POLR3A: variants seen among roughly 807,000 people sequenced by gnomAD.
POLR3A encodes RNA polymerase III subunit A.
Under a neutral mutation model 152.8 loss-of-function variants are expected in POLR3A, and 112 were observed. The observed-to-expected ratio is 0.73, with a 90% CI of 0.63 to 0.86. POLR3A has a LOEUF of 0.86. POLR3A is among the 40% of genes least tolerant of loss of function. The pLI is 0.00. For synonymous variants in POLR3A, 615 were observed against 652.1 expected (o/e 0.94, Z 0.87); for missense variants, 1,385 against 1,743.1 (o/e 0.79, Z 3.66).
intron 11 of POLR3A, chr10:78,013,193 G>A (rs1847483583): frequency 3.8e-6 from 1 of 265,760 alleles, no homozygotes. Flanking sequence ...GACGAAGTAT[G>A]TAATATAGTT....
chr10:78,022,682 G>A (rs1289132285), intron 5 of POLR3A, among the ~76,000 whole-genome samples: 3 of 152,060 alleles, frequency 2.0e-5, no homozygotes, highest in Non-Finnish European at 4.4e-5. Flanking sequence ...TTTTTTATCC[G>A]TGTGACAGAA....
intron 15 of POLR3A, among the ~76,000 whole-genome samples, chr10:78,006,395 C>CAAAAAAAAAAAAA (rs36050560): frequency 4.6e-5 from 1 of 21,946 alleles, no homozygotes; most frequent in Non-Finnish European, 1.2e-4. Flanking sequence ...GACTCTGTCT[C>CAAAAAAAAAAAAA]AAAAAAAAAA....
chr10:78,024,171 C>T (rs1049324762), intron 5 of POLR3A, among the ~76,000 whole-genome samples: 1 of 151,866 alleles, frequency 6.6e-6, no homozygotes. Flanking sequence ...CAAGACTGGC[C>T]TGGCCAATAT....
intron 28 of POLR3A, 61 bp from the exon 29 acceptor site, chr10:77,981,620 C>A (rs1437128430): frequency 4.4e-6 from 7 of 1,576,326 alleles, no homozygotes; most frequent in Non-Finnish European, 6.1e-6. Context: ...CAAATTCTCT[C>A]CACTTTCTCC....
At chr10:78,017,828 G>T in intron 9 of POLR3A, 112 bp from the exon 10 acceptor site, 2 of 1,213,502 alleles carry the variant, frequency 1.6e-6, no homozygotes, top group Non-Finnish European at 2.4e-6. Flanking sequence ...AATCTAAGAT[G>T]CCTCCATTTT....
Position 78,019,216 on chromosome 10 carries a change from G to A in POLR3A, c.1235C>T (p.Pro412Leu). The part of the protein sequence containing the change: ...NFLRKLVQNG[P>L]EVHPGANFIQ... ...GAAGTTTGCTCCTGGGTGAACCTCA[G>A]GGCCGTTTTGAACCAGTTTCCTCAA... The change falls in exon 9 of 31, where the codon CCT becomes CTT. Residue 412 changes from proline (P) to leucine (L), a missense_variant. Coordinates refer to ENST00000372371, the MANE Select transcript of POLR3A (RefSeq NM_007055.4). 6.2e-7 allele frequency: 1 copy of A among 1,614,042 alleles called. No homozygotes were observed. The highest frequency in any genetic ancestry group is 8.5e-7 in the Non-Finnish European group (1 of 1,180,004).
intron 2 of POLR3A, 114 bp from the exon 3 acceptor site, chr10:78,025,873 T>C: frequency 1.7e-6 from 2 of 1,198,860 alleles, no homozygotes; most frequent in Non-Finnish European, 2.5e-6. Context: ...TTAAATTTCC[T>C]TTCTGAGATC....
intron 21 of POLR3A, among the ~76,000 whole-genome samples, chr10:77,986,821 C>T (rs1462789094): frequency 6.6e-6 from 1 of 152,116 alleles, no homozygotes; most frequent in African/African-American, 2.4e-5. Flanking sequence ...GTATATGCTG[C>T]GATTCCCACT....
Position 78,024,530 on chromosome 10 carries a change from C to A in POLR3A, c.645+19G>T. Reference sequence around the variant, plus strand: ...AGGCGGGAGGCAGGCGGAAGGCAGGCGTGCATTCTCAGGCTCACCTGTGCC... The same window carrying A: ...AGGCGGGAGGCAGGCGGAAGGCAGGAGTGCATTCTCAGGCTCACCTGTGCC... On this transcript the variant is annotated intron_variant, in intron 5 of 30. Coordinates refer to ENST00000372371, the MANE Select transcript of POLR3A (RefSeq NM_007055.4). 6.2e-7 allele frequency: 1 copy of A among 1,611,810 alleles called. No homozygotes were observed. Among genetic ancestry groups the A allele is most frequent in the Non-Finnish European group, 8.5e-7 (1 of 1,179,418 alleles).
intron 30 of POLR3A, among the ~76,000 whole-genome samples, chr10:77,978,642 T>C (rs113694132): frequency 0.014 from 2,134 of 151,864 alleles, 52 homozygotes; most frequent in African/African-American, 0.048. Flanking sequence ...CTGCTCCTTT[T>C]CTTTTCCCTT....
At position 77,977,397 on chromosome 10, in the gene POLR3A, C is replaced by G; in HGVS notation, c.*81G>C. 6.7e-7 allele frequency: 1 copy of G among 1,492,014 alleles called. No homozygotes were observed. The highest frequency in any genetic ancestry group is 9.3e-7 in the Non-Finnish European group (1 of 1,070,480). 92.4% of individuals were successfully genotyped at this position (1,492,014 alleles called of 1,614,324 possible). A position where few individuals can be genotyped will look rare whatever the true frequency, so the allele number is the denominator to read the frequency against. On this transcript the variant is annotated 3_prime_UTR_variant, in exon 31 of 31. Transcript: ENST00000372371. ...GGTGGGGACCTCAGGACCCCCGTCC[C>G]AGGGAGCACAAAACTCTTTATACAT... is the stretch of plus-strand genomic sequence containing the variant.
intron 27 of POLR3A, 31 bp from the exon 28 acceptor site, chr10:77,982,349 A>T: frequency 1.2e-6 from 2 of 1,610,662 alleles, no homozygotes; most frequent in Non-Finnish European, 1.7e-6. Context: ...AGCTGTGAGG[A>T]CGGGGTGAGC....
intron 11 of POLR3A, among the ~76,000 whole-genome samples, chr10:78,011,772 A>C (rs11002365): frequency 0.084 from 12,840 of 152,184 alleles, 1,714 homozygotes; most frequent in African/African-American, 0.29. Flanking sequence ...CCTATGCACT[A>C]CACGGAGAAC....
chr10:77,985,207 G>C lies in POLR3A; in HGVS notation c.3205C>G (p.Arg1069Gly), dbSNP rs1476819432. The C allele has an allele frequency of 1.9e-6, 3 of 1,614,066 alleles. No homozygotes were observed. In the South Asian group the frequency reaches 3.3e-5, roughly 18 times the overall value. Residue 1069 changes from arginine to glycine, a missense_variant, in exon 24 of 31, where the codon CGG (arginine) becomes GGG (glycine). Physicochemically the swap from Arg to Gly is moderately radical, Grantham distance 125. Around this residue, in one of 7 missense-constraint regions of POLR3A, gnomAD observed 22 missense variants for 59.7 expected, o/e 0.37. Transcript: ENST00000372371. ...ASMNITLGVPRIKEIINASKA... is the reference protein window; with the variant it reads ...ASMNITLGVPGIKEIINASKA... The stretch of plus-strand genomic sequence containing the variant: ...GAAGCGTTGATGATCTCTTTAATCC[G>C]GGGCACGCCCAGGGTGATGTTCATG...
At chr10:78,022,783 G>A (rs1847592530) in intron 5 of POLR3A, among the ~76,000 whole-genome samples, 1 of 152,198 alleles carries the variant, frequency 6.6e-6, no homozygotes, top group Non-Finnish European at 1.5e-5. Context: ...ATATCCCTAT[G>A]TGGAAAAGCA....
At chr10:78,003,058 G>T (rs1847372734) in intron 16 of POLR3A, among the ~76,000 whole-genome samples, 1 of 152,204 alleles carries the variant, frequency 6.6e-6, no homozygotes, top group African/African-American at 2.4e-5. Context: ...CTGAATGTCT[G>T]CAAGCTAGGC....
Position 78,024,613 on chromosome 10 carries a change from A to G in POLR3A, c.581T>C (p.Leu194Pro). 2 of 1,614,006 alleles carry G rather than the reference A, an allele frequency of 1.2e-6. No individual in the cohort carries two copies. Among genetic ancestry groups the G allele is most frequent in the Non-Finnish European group, 1.7e-6 (2 of 1,179,862 alleles). The change falls in exon 5 of 31, where the codon CTT becomes CCT. Residue 194 changes from leucine to proline, a missense_variant. Around this residue, in one of 7 missense-constraint regions of POLR3A, gnomAD observed 493 missense variants for 647.5 expected, o/e 0.76. Transcript: ENST00000372371. ...KVVDPIVSNFLQSFETAIEHN... is the reference protein window; with the variant it reads ...KVVDPIVSNFPQSFETAIEHN... ...TTCAATGGCTGTTTCAAAAGACTGAAGGAAATTTGATACAATGGGATCCAC... is the reference window on the plus strand; with the variant it reads ...TTCAATGGCTGTTTCAAAAGACTGAGGGAAATTTGATACAATGGGATCCAC...
In POLR3A at chr10:77,981,446, G is replaced by C. The variant is rs959273588; in HGVS notation, c.3873C>G (p.Ser1291=). 1.2e-6 allele frequency: 2 copies of C among 1,613,906 alleles called. No individual in the cohort carries two copies. The highest frequency in any genetic ancestry group is 2.7e-5 in the African/African-American group (2 of 74,910). Residue 1291 remains serine, a synonymous_variant, in exon 29 of 31, where the codon TCC becomes TCG. Coordinates refer to ENST00000372371, the MANE Select transcript of POLR3A (RefSeq NM_007055.4). ...SIDRRHVMLL[S]DLMTYKGEVL... The stretch of plus-strand genomic sequence containing the variant: ...CACATACCTTGTAGGTCATGAGGTC[G>C]GAGAGCAGCATCACGTGCCTCCTGT...
chr10:78,019,420 G>A lies in POLR3A; in HGVS notation c.1186-155C>T, dbSNP rs967627490. 5 of 643,796 alleles carry A rather than the reference G, an allele frequency of 7.8e-6. No homozygotes were observed. In the East Asian group the frequency reaches 1.4e-4, roughly 18 times the overall value. 39.9% of individuals were successfully genotyped at this position (643,796 alleles called of 1,614,324 possible). A position where few individuals can be genotyped will look rare whatever the true frequency, so the allele number is the denominator to read the frequency against. On this transcript the variant is annotated intron_variant, in intron 8 of 30. Coordinates refer to ENST00000372371, the MANE Select transcript of POLR3A (RefSeq NM_007055.4). ...TGCTGCCTATGGTCTTGAGTATAATGTGAACAACAGACTGGCAAACAAGCT... is the reference window on the plus strand; with the variant it reads ...TGCTGCCTATGGTCTTGAGTATAATATGAACAACAGACTGGCAAACAAGCT...
Sources: allele counts gnomAD v4.1 joint callset (sites outside exome capture counted in the v4.1 genomes callset), GRCh38; gene constraint gnomAD v4.1.1; regional missense constraint gnomAD v4.1.1; transcripts MANE v1.5; gene names NCBI Gene and HGNC (gene_info 2026-07-23, HGNC 2026-07-21).